SNCAIP: variants seen among roughly 807,000 people sequenced by gnomAD.
SNCAIP encodes the protein synuclein alpha interacting protein, also known as synphilin-1.
In SNCAIP, 43 loss-of-function variants were observed where a neutral mutation model predicts 86.7. That is an observed-to-expected ratio of 0.50 (90% CI 0.39 to 0.64). SNCAIP has a LOEUF of 0.64. Ranked by LOEUF, SNCAIP falls within the 30% of genes least tolerant of loss-of-function variation. The pLI is 0.00. For missense variants in SNCAIP, 981 were observed against 1,103.1 expected (o/e 0.89, Z 1.57); for synonymous variants, 417 against 427.2 (o/e 0.98, Z 0.29).
At chr5:122,360,179 A>T (rs1343615091) in intron 1 of SNCAIP, among the ~76,000 whole-genome samples, 2 of 152,196 alleles carry the variant, frequency 1.3e-5, no homozygotes, top group African/African-American at 4.8e-5. Flanking sequence ...ATTGTCTCTA[A>T]GTATTCCTAA....
chr5:122,412,901 G>C (rs1035294116), intron 3 of SNCAIP, among the ~76,000 whole-genome samples: 9 of 152,176 alleles, frequency 5.9e-5, no homozygotes, highest in African/African-American at 2.2e-4. Flanking sequence ...TCATCACCAG[G>C]TCTTGAGTCT....
Position 122,407,947 on chromosome 5 carries a change from G to A in SNCAIP, c.130+4082G>A, listed in dbSNP as rs372152165. On this transcript the variant is annotated intron_variant, in intron 3 of 10. Coordinates refer to ENST00000261368, the MANE Select transcript of SNCAIP (RefSeq NM_005460.4). ...CTTTACCTGACCAAAGTCAGTGTTC[G>A]TTGAATTTCCACTCATTGATCCTGG... 3.7e-4 allele frequency among the ~76,000 whole-genome samples: 56 copies of A among 152,268 alleles called. No individual in the cohort carries two copies. In the East Asian group the frequency reaches 5.0e-3, roughly 14 times the overall value.
At chr5:122,368,359 G>T (rs1763597822) in intron 1 of SNCAIP, among the ~76,000 whole-genome samples, 1 of 152,112 alleles carries the variant, frequency 6.6e-6, no homozygotes, top group Admixed American at 6.6e-5. Context: ...CCAAGCCCTT[G>T]TACTTGCAGA....
intron 7 of SNCAIP, chr5:122,444,234 C>T (rs941814042): frequency 1.2e-5 from 6 of 487,324 alleles, no homozygotes; most frequent in Non-Finnish European, 2.4e-5. Flanking sequence ...GCATCTCTGA[C>T]TATGAGTGAT....
rs75677124 is a variant in SNCAIP at position 122,432,879 on chromosome 5, G to T, written c.1296+797G>T. 2.8e-3 allele frequency among the ~76,000 whole-genome samples: 431 copies of T among 152,220 alleles called. 2 individuals are homozygous for T. The highest frequency in any genetic ancestry group is 0.01 in the African/African-American group (417 of 41,548). On this transcript the variant is annotated intron_variant, in intron 6 of 10. Coordinates refer to ENST00000261368, the MANE Select transcript of SNCAIP (RefSeq NM_005460.4). The stretch of plus-strand genomic sequence containing the variant: ...AAAATAATAGTACTGTGTTAAAATA[G>T]ATTTAATTGTGTTTGTGGCAAAGAA...
At chr5:122,313,989 G>A (rs1751200800) in intron 1 of SNCAIP, among the ~76,000 whole-genome samples, 1 of 152,208 alleles carries the variant, frequency 6.6e-6, no homozygotes. Context: ...AGCATTTCAT[G>A]AAGAAAAGTT....
chr5:122,407,427 G>T (rs1773239163), intron 3 of SNCAIP, among the ~76,000 whole-genome samples: 1 of 152,136 alleles, frequency 6.6e-6, no homozygotes, highest in Non-Finnish European at 1.5e-5. Context: ...AGATGATCAG[G>T]GTCAGACTCC....
intron 1 of SNCAIP, among the ~76,000 whole-genome samples, chr5:122,353,853 C>T (rs891566180): frequency 6.6e-6 from 1 of 151,970 alleles, no homozygotes; most frequent in Admixed American, 6.6e-5. Flanking sequence ...GCAGGGATTG[C>T]AGAAAGGGCC....
At chr5:122,382,757 T>C (rs1767138791) in intron 1 of SNCAIP, among the ~76,000 whole-genome samples, 1 of 152,202 alleles carries the variant, frequency 6.6e-6, no homozygotes, top group African/African-American at 2.4e-5. Flanking sequence ...GTTTTCCTTC[T>C]AACAGACAGG....
At position 122,391,825 on chromosome 5, in the gene SNCAIP, G is replaced by A. The variant is rs139666870; in HGVS notation, c.57+634G>A. On this transcript the variant is annotated intron_variant, in intron 2 of 10. Transcript: ENST00000261368. ...AAATCAGGACTGCTTGGAATGGATT[G>A]TCTACATGCATCTTGCTTTGAGCTG... Among the ~76,000 whole-genome samples the A allele has an allele frequency of 2.2e-4, 34 of 152,282 alleles. No individual in the cohort carries two copies. The East Asian group carries it at 6.6e-3, about 29-fold the overall frequency.
intron 3 of SNCAIP, among the ~76,000 whole-genome samples, chr5:122,413,752 G>GA (rs376323154): frequency 7.0e-4 from 105 of 149,410 alleles, no homozygotes; most frequent in African/African-American, 8.1e-4. Context: ...AAAGAAAAAA[G>GA]AAAAAAAAAG....
At chr5:122,410,804 C>T (rs1195430908) in intron 3 of SNCAIP, among the ~76,000 whole-genome samples, 1 of 152,170 alleles carries the variant, frequency 6.6e-6, no homozygotes, top group African/African-American at 2.4e-5. Flanking sequence ...GCCTGGGTGA[C>T]AGCGAGATTC....
chr5:122,372,172 T>C (rs1764405233), intron 1 of SNCAIP, among the ~76,000 whole-genome samples: 1 of 152,196 alleles, frequency 6.6e-6, no homozygotes, highest in South Asian at 2.1e-4. Context: ...TACCAAATAC[T>C]GATCATACCT....
At chr5:122,400,599 G>T (rs1201443236) in intron 2 of SNCAIP, among the ~76,000 whole-genome samples, 1 of 152,196 alleles carries the variant, frequency 6.6e-6, no homozygotes, top group Non-Finnish European at 1.5e-5. Context: ...AAAGAGAAAA[G>T]TCAGTAAGGG....
intron 1 of SNCAIP, among the ~76,000 whole-genome samples, chr5:122,315,702 A>G (rs997631652): frequency 2.6e-5 from 4 of 152,102 alleles, no homozygotes; most frequent in African/African-American, 9.7e-5. Flanking sequence ...TTTTCTATAA[A>G]CCCCAGGTAG....
At chr5:122,326,681 T>C (rs978285322) in intron 1 of SNCAIP, among the ~76,000 whole-genome samples, 2 of 145,818 alleles carry the variant, frequency 1.4e-5, no homozygotes, top group Non-Finnish European at 3.0e-5. Context: ...ATTTGCAAGG[T>C]CTTTTGATGT....
chr5:122,325,370 AC>A (rs1343319186), intron 1 of SNCAIP, among the ~76,000 whole-genome samples: 1 of 151,850 alleles, frequency 6.6e-6, no homozygotes, highest in Admixed American at 6.6e-5. Context: ...TTACCAGATC[AC>A]CTCTCCCTAC....
At chr5:122,444,236 A>C (rs906554026) in intron 7 of SNCAIP, 1 of 486,068 alleles carries the variant, frequency 2.1e-6, no homozygotes, top group Non-Finnish European at 4.1e-6. Flanking sequence ...ATCTCTGACT[A>C]TGAGTGATTC....
At chr5:122,325,323 GGA>G (rs1753800253) in intron 1 of SNCAIP, among the ~76,000 whole-genome samples, 1 of 152,100 alleles carries the variant, frequency 6.6e-6, no homozygotes, top group Non-Finnish European at 1.5e-5. Context: ...AGGTAGGGAG[GGA>G]GAGGTTTGGG....
Sources: gnomAD v4.1 joint callset for allele counts (sites outside exome capture counted in the v4.1 genomes callset) on GRCh38, gnomAD v4.1.1 for gene constraint, MANE v1.5 for transcripts, NCBI Gene and HGNC (gene_info 2026-07-23, HGNC 2026-07-21) for gene names.